The following TANC2 variants were observed in gnomAD, a reference collection of about 807,000 sequenced individuals.
TANC2 encodes the protein tetratricopeptide repeat, ankyrin repeat and coiled-coil containing 2, also known as protein TANC2.
TANC2 carries 26 observed loss-of-function variants against 210.5 expected under a neutral mutation model. The ratio of observed to expected loss-of-function variants is 0.12; its 90% CI spans 0.09 to 0.17. The LOEUF is 0.17. Ranked by LOEUF, TANC2 falls within the 10% of genes least tolerant of loss-of-function variation. The pLI, the probability that TANC2 is intolerant of heterozygous loss-of-function variation, is 1.00. For synonymous variants in TANC2, 931 were observed against 967.1 expected (o/e 0.96, Z 0.69); for missense variants, 2,129 against 2,608.9 (o/e 0.82, Z 4.01).
rs374381281 is a variant in TANC2, at chr17:63,350,580, C to T, written c.1808-670C>T. Reference sequence around the variant, plus strand: ...GGACACAAACACAGCAGATGTTTGTCTTTTCCACTTGACTCCTCCACTTTT... The same window carrying T: ...GGACACAAACACAGCAGATGTTTGTTTTTTCCACTTGACTCCTCCACTTTT... On this transcript the variant is annotated intron_variant, in intron 12 of 27. Transcript: ENST00000689528. 6.4e-4 allele frequency among the ~76,000 whole-genome samples: 98 copies of T among 152,260 alleles called. No individual in the cohort carries two copies. In the Middle Eastern group the frequency reaches 0.027, roughly 42 times the overall value.
At chr17:63,352,129 C>T (rs982989872) in intron 13 of TANC2, among the ~76,000 whole-genome samples, 2 of 152,062 alleles carry the variant, frequency 1.3e-5, no homozygotes, top group African/African-American at 4.8e-5. Flanking sequence ...TACATATTCA[C>T]ACTTGGTTTG....
chr17:63,123,400 AC>A, intron 4 of TANC2, among the ~76,000 whole-genome samples: 1 of 152,048 alleles, frequency 6.6e-6, no homozygotes, highest in Non-Finnish European at 1.5e-5. Flanking sequence ...TACTAAAAAT[AC>A]AAAAAAAATT....
At chr17:63,155,639 C>A (rs2039809734) in intron 5 of TANC2, among the ~76,000 whole-genome samples, 2 of 152,074 alleles carry the variant, frequency 1.3e-5, no homozygotes, top group African/African-American at 4.8e-5. Flanking sequence ...TTTATCAACA[C>A]CAAATATATT....
At chr17:62,986,442 C>T (rs1431265708) in intron 1 of TANC2, among the ~76,000 whole-genome samples, 1 of 152,106 alleles carries the variant, frequency 6.6e-6, no homozygotes, top group African/African-American at 2.4e-5. Flanking sequence ...TGGGGGTGGC[C>T]CATGGGGCTA....
At chr17:63,220,726 A>ATG in intron 7 of TANC2, among the ~76,000 whole-genome samples, 1 of 143,744 alleles carries the variant, frequency 7.0e-6, no homozygotes. Context: ...AAAAATATAT[A>ATG]TATATATATA....
chr17:62,970,918 A>C (rs2143227606), intron 1 of TANC2, among the ~76,000 whole-genome samples: 1 of 152,324 alleles, frequency 6.6e-6, no homozygotes, highest in East Asian at 1.9e-4. Flanking sequence ...ATATTATAAA[A>C]TAGTTTGGAA....
chr17:63,169,905 G>A (rs554577813), intron 5 of TANC2, among the ~76,000 whole-genome samples: 1 of 152,072 alleles, frequency 6.6e-6, no homozygotes, highest in South Asian at 2.1e-4. Flanking sequence ...GCCAAGGCGG[G>A]CAGATCACGA....
At chr17:63,088,204 T>C (rs577830015) in intron 3 of TANC2, 50 of 152,320 alleles carry the variant, frequency 3.3e-4, no homozygotes, top group African/African-American at 1.1e-3. Context: ...AGAAAATTTT[T>C]GGCTAAAGGC....
chr17:63,232,558 G>C (rs764271902), intron 7 of TANC2, among the ~76,000 whole-genome samples: 1 of 152,250 alleles, frequency 6.6e-6, no homozygotes, highest in Non-Finnish European at 1.5e-5. Flanking sequence ...CTGTTCACCT[G>C]GGTCCCTCCT....
intron 4 of TANC2, among the ~76,000 whole-genome samples, chr17:63,116,007 A>C (rs906974072): frequency 1.3e-5 from 2 of 152,214 alleles, no homozygotes; most frequent in African/African-American, 4.8e-5. Context: ...ATCTATGACC[A>C]ACAAATACGT....
chr17:63,120,577 G>A (rs918195160), intron 4 of TANC2: 4 of 152,042 alleles, frequency 2.6e-5, no homozygotes, highest in Admixed American at 1.3e-4. Flanking sequence ...ACTTTGGGAG[G>A]CTGATGTGGG....
intron 5 of TANC2, chr17:63,182,314 C>T (rs918232892): frequency 1.1e-4 from 22 of 200,778 alleles, no homozygotes; most frequent in African/African-American, 4.7e-4. Context: ...CAGAAAATTC[C>T]GACAAGTAGC....
chr17:63,175,829 A>T (rs571148074), intron 5 of TANC2, among the ~76,000 whole-genome samples: 17 of 152,210 alleles, frequency 1.1e-4, no homozygotes, highest in Non-Finnish European at 2.5e-4. Flanking sequence ...AAGACAACTG[A>T]ATTTTTTTTG....
intron 8 of TANC2, among the ~76,000 whole-genome samples, chr17:63,252,330 A>T (rs1337751645): frequency 2.0e-5 from 3 of 152,116 alleles, no homozygotes; most frequent in Non-Finnish European, 2.9e-5. Flanking sequence ...AGTAAATGGC[A>T]TAACCATCAC....
intron 8 of TANC2, among the ~76,000 whole-genome samples, chr17:63,238,908 A>T (rs1181025826): frequency 6.6e-6 from 1 of 152,130 alleles, no homozygotes; most frequent in Admixed American, 6.6e-5. Context: ...CCTCACTATC[A>T]CGAGAATAGC....
chr17:63,277,157 T>G (rs563851433), intron 9 of TANC2, among the ~76,000 whole-genome samples: 1 of 152,258 alleles, frequency 6.6e-6, no homozygotes, highest in East Asian at 1.9e-4. Flanking sequence ...ATCTCCTATA[T>G]GCAGTCAGGA....
At chr17:63,396,073 C>G in intron 18 of TANC2, 145 bp downstream of exon 18, 1 of 746,358 alleles carries the variant, frequency 1.3e-6, no homozygotes, top group South Asian at 1.9e-5. Flanking sequence ...GGAGATTAAA[C>G]TCCATGAAGC....
chr17:63,394,531 A>G (rs1009766982), intron 17 of TANC2, among the ~76,000 whole-genome samples: 8 of 152,214 alleles, frequency 5.3e-5, no homozygotes, highest in East Asian at 3.8e-4. Context: ...TTCACTGCCT[A>G]TTGGTTACAA....
chr17:63,355,505 C>T (rs17687323), intron 14 of TANC2, 115 bp downstream of exon 14: 233,975 of 1,165,608 alleles, frequency 0.2, 25,873 homozygotes, highest in Non-Finnish European at 0.22. Flanking sequence ...GAAGAGACAT[C>T]ATCTGTGTTT....
Sources: gnomAD v4.1 joint callset for allele counts (sites outside exome capture counted in the v4.1 genomes callset) on GRCh38, gnomAD v4.1.1 for gene constraint, MANE v1.5 for transcripts, NCBI Gene and HGNC (gene_info 2026-07-23, HGNC 2026-07-21) for gene names.